Variants in OPCML observed in about 807,000 individuals in gnomAD.
The protein encoded by OPCML is opioid-binding protein/cell adhesion molecule.
A neutral mutation model predicts 37.8 loss-of-function variants in OPCML; 13 were observed. That is an observed-to-expected ratio of 0.34 (90% CI 0.22 to 0.55). The LOEUF (loss-of-function observed/expected upper bound fraction) is 0.55, where lower values mean the gene tolerates loss of function less well. OPCML is among the 20% of genes least tolerant of loss of function. OPCML has a pLI of 0.91. For synonymous variants in OPCML, 176 were observed against 168.8 expected (o/e 1.04, Z -0.33); for missense variants, 341 against 435.6 (o/e 0.78, Z 1.93).
chr11:132,734,484 A>G (rs559770620), intron 2 of OPCML, among the ~76,000 whole-genome samples: 6 of 152,344 alleles, frequency 3.9e-5, no homozygotes, highest in African/African-American at 1.4e-4. Flanking sequence ...ACAAATAGCC[A>G]GCAGCCAGTT....
chr11:132,917,579 T>C (rs910171360), intron 2 of OPCML, among the ~76,000 whole-genome samples: 2 of 152,136 alleles, frequency 1.3e-5, no homozygotes, highest in African/African-American at 2.4e-5. Flanking sequence ...AGAAGAAAAT[T>C]AACAGTGTTC....
intron 2 of OPCML, among the ~76,000 whole-genome samples, chr11:132,753,103 T>G (rs906823116): frequency 1.3e-5 from 2 of 152,110 alleles, no homozygotes; most frequent in African/African-American, 4.8e-5. Context: ...CAGGAGGCTT[T>G]GCACTCTGGC....
At chr11:133,055,737 C>T (rs953622601) in intron 1 of OPCML, among the ~76,000 whole-genome samples, 4 of 151,344 alleles carry the variant, frequency 2.6e-5, no homozygotes, top group Admixed American at 2.6e-4. Flanking sequence ...TACAATGCTG[C>T]CTCCATGATA....
At chr11:132,616,177 T>A (rs921066118) in intron 3 of OPCML, among the ~76,000 whole-genome samples, 5 of 152,230 alleles carry the variant, frequency 3.3e-5, no homozygotes, top group African/African-American at 1.2e-4. Context: ...TTTCAGTGTG[T>A]TTTAAAATGA....
chr11:133,445,549 C>A (rs1946457216), intron 1 of OPCML, among the ~76,000 whole-genome samples: 1 of 152,220 alleles, frequency 6.6e-6, no homozygotes, highest in Admixed American at 6.5e-5. Context: ...TTAGCAAATG[C>A]TGCTGCTGTT....
At chr11:133,263,795 A>G (rs1006363357) in intron 1 of OPCML, among the ~76,000 whole-genome samples, 14 of 152,190 alleles carry the variant, frequency 9.2e-5, no homozygotes, top group Admixed American at 2.6e-4. Flanking sequence ...GGAGCTAGAA[A>G]AAAATAACGG....
chr11:133,338,703 A>G (rs1943796880), intron 1 of OPCML, among the ~76,000 whole-genome samples: 1 of 152,302 alleles, frequency 6.6e-6, no homozygotes, highest in South Asian at 2.1e-4. Context: ...CCAAAGAGAA[A>G]ATTGGAATTT....
At chr11:133,358,526 T>G (rs2136709872) in intron 1 of OPCML, among the ~76,000 whole-genome samples, 1 of 152,328 alleles carries the variant, frequency 6.6e-6, no homozygotes, top group African/African-American at 2.4e-5. Context: ...CCCCCTTTTG[T>G]GGTGGGCCTT....
At chr11:132,517,630 G>A (rs1014880360) in intron 4 of OPCML, among the ~76,000 whole-genome samples, 19 of 152,142 alleles carry the variant, frequency 1.2e-4, no homozygotes, top group African/African-American at 4.3e-4. Context: ...TTTTATCAGT[G>A]TCTGACTGAT....
intron 3 of OPCML, among the ~76,000 whole-genome samples, chr11:132,608,389 A>G (rs1433026616): frequency 6.6e-6 from 1 of 152,146 alleles, no homozygotes; most frequent in African/African-American, 2.4e-5. Context: ...AGGGACTGCT[A>G]TTTTTATTTC....
chr11:132,494,621 A>T (rs1337140587), intron 4 of OPCML, among the ~76,000 whole-genome samples: 1 of 152,248 alleles, frequency 6.6e-6, no homozygotes, highest in Non-Finnish European at 1.5e-5. Flanking sequence ...TCAGAAGGAA[A>T]AAAAAGAACT....
chr11:133,082,871 G>T (rs1045699625), intron 1 of OPCML, among the ~76,000 whole-genome samples: 3 of 149,958 alleles, frequency 2.0e-5, no homozygotes, highest in Non-Finnish European at 4.4e-5. Context: ...CCTCCGAGCC[G>T]ACCTCGTCCC....
At chr11:133,176,635 C>G (rs1158768281) in intron 1 of OPCML, among the ~76,000 whole-genome samples, 1 of 152,104 alleles carries the variant, frequency 6.6e-6, no homozygotes, top group East Asian at 1.9e-4. Flanking sequence ...TCCCCTTCCT[C>G]TTGCTCCCAC....
chr11:132,744,846 C>T (rs1945559759), intron 2 of OPCML, among the ~76,000 whole-genome samples: 2 of 152,302 alleles, frequency 1.3e-5, no homozygotes, highest in South Asian at 4.1e-4. Context: ...TCTCTAGAGG[C>T]CACAGTGGTG....
chr11:133,514,521 T>C (rs55863421), intron 1 of OPCML, among the ~76,000 whole-genome samples: 18,427 of 152,192 alleles, frequency 0.12, 2,382 homozygotes, highest in African/African-American at 0.33. Context: ...CAGGGTACTC[T>C]GAATGTCCTG....
rs778718839 is a variant in OPCML, at chr11:132,883,284, AG to A, written c.146+59641del. On this transcript the variant is annotated intron_variant, in intron 2 of 7. Transcript: ENST00000524381. ...TGTATGCCTACTTTAAAAAAAAAAA[AG>A]GGGGCTGAAACAATCACATTAAATC... 2.0e-5 allele frequency among the ~76,000 whole-genome samples: 3 copies of A among 149,864 alleles called. No individual in the cohort carries two copies. The South Asian group carries it at 6.4e-4, about 32-fold the overall frequency.
At chr11:132,631,608 C>T (rs140299812) in intron 3 of OPCML, among the ~76,000 whole-genome samples, 4 of 150,586 alleles carry the variant, frequency 2.7e-5, no homozygotes, top group South Asian at 4.2e-4. Context: ...TACAGGCGCC[C>T]GCCACCACGC....
intron 3 of OPCML, among the ~76,000 whole-genome samples, chr11:132,529,599 A>G (rs576400054): frequency 1.3e-5 from 2 of 152,336 alleles, no homozygotes; most frequent in African/African-American, 2.4e-5. Context: ...GCCTTCCCCA[A>G]CATTGCACTC....
intron 4 of OPCML, among the ~76,000 whole-genome samples, chr11:132,526,283 A>C (rs2096308139): frequency 6.6e-6 from 1 of 152,142 alleles, no homozygotes; most frequent in Non-Finnish European, 1.5e-5. Context: ...AAGACATTTG[A>C]TTTTACCAAA....
Sources: gnomAD v4.1 joint callset for allele counts (sites outside exome capture counted in the v4.1 genomes callset) on GRCh38, gnomAD v4.1.1 for gene constraint, MANE v1.5 for transcripts, NCBI Gene and HGNC (gene_info 2026-07-23, HGNC 2026-07-21) for gene names.